The following STK24 variants were observed in gnomAD, a reference collection of about 807,000 sequenced individuals.
STK24 encodes the protein serine/threonine kinase 24, also known as serine/threonine-protein kinase 24.
In STK24, 21 loss-of-function variants were observed where a neutral mutation model predicts 55.6. That is an observed-to-expected ratio of 0.38 (90% CI 0.27 to 0.54). The LOEUF (loss-of-function observed/expected upper bound fraction) is 0.54, where lower values mean the gene tolerates loss of function less well. Among genes scored for constraint, STK24 ranks in the 20% least tolerant of loss-of-function variants. The probability of loss-of-function intolerance (pLI) is 0.79; values close to 1 mark genes in which losing one functional copy is unlikely to be tolerated. For synonymous variants in STK24, 200 were observed against 215.2 expected, an observed-to-expected ratio of 0.93 and a Z score of 0.62; for missense variants, 383 against 538.4, an observed-to-expected ratio of 0.71 and a Z score of 2.86.
chr13:98,520,341 G>A (rs1017683416), intron 1 of STK24, among the ~76,000 whole-genome samples: 5 of 152,112 alleles, frequency 3.3e-5, no homozygotes, highest in African/African-American at 1.2e-4. Context: ...ATGGCACCCC[G>A]GTGACAAGCA....
intron 1 of STK24, among the ~76,000 whole-genome samples, chr13:98,544,632 C>T (rs1257125112): frequency 6.6e-6 from 1 of 152,210 alleles, no homozygotes; most frequent in African/African-American, 2.4e-5. Context: ...ATGGCAGGTC[C>T]CCTCCTAAGC....
intron 1 of STK24, among the ~76,000 whole-genome samples, chr13:98,566,775 G>A (rs1897584356): frequency 6.6e-6 from 1 of 152,208 alleles, no homozygotes; most frequent in South Asian, 2.1e-4. Context: ...AACTGCTGAA[G>A]AAGTGAGGCT....
chr13:98,515,435 T>G (rs866735968), intron 2 of STK24, among the ~76,000 whole-genome samples: 1 of 151,964 alleles, frequency 6.6e-6, no homozygotes, highest in Non-Finnish European at 1.5e-5. Flanking sequence ...AAGTAAACAC[T>G]GAAACTACAA....
chr13:98,501,553 A>AT (rs1274463232), intron 2 of STK24, among the ~76,000 whole-genome samples: 6 of 152,236 alleles, frequency 3.9e-5, no homozygotes, highest in African/African-American at 1.4e-4. Context: ...AACTACAAAA[A>AT]TTAGGTACAT....
chr13:98,547,701 T>C (rs1226250852), intron 1 of STK24, among the ~76,000 whole-genome samples: 1 of 152,170 alleles, frequency 6.6e-6, no homozygotes, highest in African/African-American at 2.4e-5. Context: ...GTAAAATCAA[T>C]AGCTGTGAAA....
intron 1 of STK24, among the ~76,000 whole-genome samples, chr13:98,559,445 C>A (rs1443620109): frequency 6.6e-6 from 1 of 152,194 alleles, no homozygotes; most frequent in Non-Finnish European, 1.5e-5. Context: ...TTTTGCCTTC[C>A]GCCATGACTG....
Position 98,556,830 on chromosome 13 carries a change from C to T in STK24, c.42+19915G>A, listed in dbSNP as rs114795707. 8.2e-3 allele frequency among the ~76,000 whole-genome samples: 1,247 copies of T among 152,346 alleles called. 23 individuals are homozygous for T. Among genetic ancestry groups the T allele is most frequent in the African/African-American group, 0.028 (1,149 of 41,570 alleles). On this transcript the variant is annotated intron_variant, in intron 1 of 10. Transcript: ENST00000539966. ...GGACCCACTTCGGAAGTGACCACCA[C>T]TAAACTGGACAAGAGATGCAGGGTC...
intron 1 of STK24, among the ~76,000 whole-genome samples, chr13:98,563,283 C>T (rs763923454): frequency 3.3e-5 from 5 of 152,164 alleles, no homozygotes; most frequent in East Asian, 1.9e-4. Flanking sequence ...ACACTTCAAT[C>T]GCATCCTCTG....
Position 98,494,063 on chromosome 13 carries a change from C to T in STK24, c.274-11742G>A, listed in dbSNP as rs1261189034. On this transcript the variant is annotated intron_variant, in intron 2 of 10. Coordinates refer to ENST00000539966, the MANE Select transcript of STK24 (RefSeq NM_001032296.4). ...TTCACCGTGTTAGCCAGGATGGTCT[C>T]GATCTCCTGACCTCGTGATCCGCCC... Among the ~76,000 whole-genome samples the T allele has an allele frequency of 5.4e-5, 8 of 148,110 alleles. 1 individual carries two copies. The highest frequency in any genetic ancestry group is 4.4e-4 in the South Asian group (2 of 4,536).
At chr13:98,514,485 A>ATTC (rs1449645185) in intron 2 of STK24, among the ~76,000 whole-genome samples, 2 of 152,232 alleles carry the variant, frequency 1.3e-5, no homozygotes, top group African/African-American at 4.8e-5. Flanking sequence ...TAGAGTACTT[A>ATTC]GTTTTCTAAA....
intron 1 of STK24, among the ~76,000 whole-genome samples, chr13:98,532,903 GC>G (rs1198647122): frequency 1.3e-5 from 2 of 152,142 alleles, no homozygotes; most frequent in Admixed American, 6.5e-5. Context: ...CGTTACAAAT[GC>G]CCCCACCATC....
At chr13:98,555,014 CAAAAA>C (rs398024117) in intron 1 of STK24, among the ~76,000 whole-genome samples, 1 of 88,340 alleles carries the variant, frequency 1.1e-5, no homozygotes, top group Admixed American at 1.3e-4. Context: ...GACTCCAACT[CAAAAA>C]AAAAAAAAAA....
chr13:98,486,949 T>C (rs1894831612), intron 2 of STK24, among the ~76,000 whole-genome samples: 2 of 152,114 alleles, frequency 1.3e-5, no homozygotes, highest in Non-Finnish European at 2.9e-5. Flanking sequence ...TTAAATGAGA[T>C]CATGAGTGGG....
chr13:98,509,862 G>C (rs549765918), intron 2 of STK24, among the ~76,000 whole-genome samples: 1 of 150,478 alleles, frequency 6.6e-6, no homozygotes, highest in Admixed American at 6.6e-5. Flanking sequence ...CTCTCTCTCT[G>C]CCTGACTCTT....
At position 98,457,098 on chromosome 13, in the gene STK24, C is replaced by T; in HGVS notation, c.1259+70G>A. ...GACAGGCCAAGAATCAAGTACCAAA[C>T]TCATCAACTAAGTCCCAGCCCAAGT... is the stretch of plus-strand genomic sequence containing the variant. On this transcript the variant is annotated intron_variant, in intron 10 of 10. Transcript: ENST00000539966. 4.5e-6 allele frequency: 7 copies of T among 1,559,486 alleles called. No homozygotes were observed. The South Asian group carries it at 4.6e-5, about 10-fold the overall frequency.
intron 2 of STK24, among the ~76,000 whole-genome samples, chr13:98,511,808 A>C (rs1480979632): frequency 6.6e-6 from 1 of 151,478 alleles, no homozygotes; most frequent in Non-Finnish European, 1.5e-5. Flanking sequence ...GAACGTTGGC[A>C]TTGTTCTGGT....
intron 1 of STK24, chr13:98,576,235 C>G (rs191666700): frequency 8.1e-6 from 8 of 985,144 alleles, no homozygotes; most frequent in Admixed American, 1.2e-4. Context: ...CTACTCCGCT[C>G]GGGCCCGGAC....
intron 1 of STK24, among the ~76,000 whole-genome samples, chr13:98,548,648 G>T (rs9517344): frequency 6.6e-6 from 1 of 151,864 alleles, no homozygotes; most frequent in African/African-American, 2.4e-5. Context: ...GATTACCTGA[G>T]GTCAGGAGTT....
At chr13:98,462,370 C>T (rs995586417) in intron 7 of STK24, among the ~76,000 whole-genome samples, 2 of 152,122 alleles carry the variant, frequency 1.3e-5, no homozygotes, top group South Asian at 2.1e-4. Flanking sequence ...ACCCTCCACT[C>T]GCTCCAAAGC....
Sources: gnomAD v4.1 joint callset for allele counts (sites outside exome capture counted in the v4.1 genomes callset) on GRCh38, gnomAD v4.1.1 for gene constraint, MANE v1.5 for transcripts, NCBI Gene and HGNC (gene_info 2026-07-23, HGNC 2026-07-21) for gene names.